Variants in RBM43 observed in about 807,000 individuals in gnomAD.
RBM43 encodes the protein RNA binding motif protein 43, also known as RNA-binding protein 43.
Under a neutral mutation model 12.4 loss-of-function variants are expected in RBM43, and 12 were observed. The observed-to-expected ratio is 0.97, with a 90% CI of 0.62 to 1.57. RBM43 has a LOEUF of 1.57. Among genes scored for constraint, RBM43 ranks in the 40% most tolerant of loss-of-function variants. RBM43 has a pLI of 0.00. For synonymous variants in RBM43, 138 were observed against 145.7 expected, an observed-to-expected ratio of 0.95 and a Z score of 0.38; for missense variants, 348 against 400.1, an observed-to-expected ratio of 0.87 and a Z score of 1.11.
At chr2:151,261,238 CTT>C in intron 1 of RBM43, 1 of 1,541,228 alleles carries the variant, frequency 6.5e-7, no homozygotes, top group Non-Finnish European at 8.8e-7. Context: ...GTCTTCCTGA[CTT>C]GCGTCCTTGG....
At position 151,249,666 on chromosome 2, in the gene RBM43, A is replaced by T. The variant is rs1470229460; in HGVS notation, c.*1240T>A. 1.3e-5 allele frequency: 2 copies of T among 152,306 alleles called. No individual in the cohort carries two copies. The highest frequency in any genetic ancestry group is 2.9e-5 in the Non-Finnish European group (2 of 68,166). The allele number at this position is 152,306 out of a possible 1,614,324, so 9.4% of individuals were successfully genotyped here. ...CCAAAGTGCTGGGATTACAGGTATG[A>T]GTCACCACGCCCGGCCAACTTGTGA... is the stretch of plus-strand genomic sequence containing the variant. On this transcript the variant is annotated 3_prime_UTR_variant, in exon 4 of 4. Coordinates refer to ENST00000331426, the MANE Select transcript of RBM43 (RefSeq NM_198557.3).
chr2:151,250,861 T>G lies in RBM43; in HGVS notation c.*45A>C. Reference sequence around the variant, plus strand: ...CCTCATTCATGGCAATGGTCACTGCTCAGCAAGAGAAAGCAGCCCTTATGA... The same window carrying G: ...CCTCATTCATGGCAATGGTCACTGCGCAGCAAGAGAAAGCAGCCCTTATGA... On this transcript the variant is annotated 3_prime_UTR_variant, in exon 4 of 4. Transcript: ENST00000331426. 7.0e-7 allele frequency: 1 copy of G among 1,431,838 alleles called. No individual in the cohort carries two copies. Among genetic ancestry groups the G allele is most frequent in the South Asian group, 1.4e-5 (1 of 73,064 alleles). The allele number at this position is 1,431,838 out of a possible 1,614,324, so 88.7% of individuals were successfully genotyped here.
At chr2:151,260,235 C>T (rs901882834) in intron 1 of RBM43, among the ~76,000 whole-genome samples, 11 of 151,844 alleles carry the variant, frequency 7.2e-5, no homozygotes, top group African/African-American at 2.4e-4. Context: ...AAGTGATCCT[C>T]CCACCTCAGC....
chr2:151,261,835 C>A lies in RBM43; in HGVS notation c.-108G>T. On this transcript the variant is annotated 5_prime_UTR_variant, in exon 1 of 4. Coordinates refer to ENST00000331426, the MANE Select transcript of RBM43 (RefSeq NM_198557.3). ...CAGGTTTTGGTTTCGTTTTTTGTTCCAGCTCCCTTGGAGGCTACGAAGAAA... is the reference window on the plus strand; with the variant it reads ...CAGGTTTTGGTTTCGTTTTTTGTTCAAGCTCCCTTGGAGGCTACGAAGAAA... 1 of 1,311,582 alleles carries A rather than the reference C, an allele frequency of 7.6e-7. No homozygotes were observed. The highest frequency in any genetic ancestry group is 1.3e-5 in the South Asian group (1 of 74,392). 81.2% of individuals were successfully genotyped at this position (1,311,582 alleles called of 1,614,324 possible). A position where few individuals can be genotyped will look rare whatever the true frequency, so the allele number is the denominator to read the frequency against.
chr2:151,256,656 T>C (rs550562508), intron 1 of RBM43, among the ~76,000 whole-genome samples: 1 of 152,128 alleles, frequency 6.6e-6, no homozygotes, highest in Admixed American at 6.5e-5. Flanking sequence ...CCATCTCTAC[T>C]AAAAATACAA....
chr2:151,261,230 C>T (rs1683041280), intron 1 of RBM43: 2 of 1,538,396 alleles, frequency 1.3e-6, no homozygotes, highest in Non-Finnish European at 8.8e-7. Context: ...ATGAGGATGT[C>T]TTCCTGACTT....
Position 151,250,743 on chromosome 2 carries a change from A to G in RBM43, c.*163T>C. On this transcript the variant is annotated 3_prime_UTR_variant, in exon 4 of 4. Transcript: ENST00000331426. ...TCAGAAAAGTGTTTTAACTTCTCCA[A>G]ATCCTAGTTTCTTCCGCTGTAACAT... 1 of 543,802 alleles carries G rather than the reference A, an allele frequency of 1.8e-6. No individual in the cohort carries two copies. Among genetic ancestry groups the G allele is most frequent in the Non-Finnish European group, 3.2e-6 (1 of 317,350 alleles). The allele number at this position is 543,802 out of a possible 1,614,324, so 33.7% of individuals were successfully genotyped here.
Position 151,252,742 on chromosome 2 carries a change from CA to C in RBM43, c.315+12del, listed in dbSNP as rs752358174. Reference sequence around the variant, plus strand: ...TACAGGACTATCAGTACACCTACAGCATCACACCTTACCTTGTCACCAAAAT... The same window carrying C: ...TACAGGACTATCAGTACACCTACAGCTCACACCTTACCTTGTCACCAAAAT... On this transcript the variant is annotated intron_variant, in intron 3 of 3. Coordinates refer to ENST00000331426, the MANE Select transcript of RBM43 (RefSeq NM_198557.3). The C allele has an allele frequency of 1.2e-5, 17 of 1,429,674 alleles. No homozygotes were observed. The South Asian group carries it at 2.0e-4, about 16-fold the overall frequency. The allele number at this position is 1,429,674 out of a possible 1,614,324, so 88.6% of individuals were successfully genotyped here.
Position 151,252,757 on chromosome 2 carries a change from T to C in RBM43, c.313A>G (p.Lys105Glu). The change falls in exon 3 of 4, where the codon AAG becomes GAG. Residue 105 changes from lysine to glutamate, a missense_variant and splice_region_variant. Coordinates refer to ENST00000331426, the MANE Select transcript of RBM43 (RefSeq NM_198557.3). Reference protein sequence around the residue: ...VSLRVSHFGDKIFSSVNAILD... With the variant: ...VSLRVSHFGDEIFSSVNAILD... ...ACACCTACAGCATCACACCTTACCT[T>C]GTCACCAAAATGAGAGACTCTGAGA... 1 of 1,566,002 alleles carries C rather than the reference T, an allele frequency of 6.4e-7. No homozygotes were observed. Among genetic ancestry groups the C allele is most frequent in the Non-Finnish European group, 8.8e-7 (1 of 1,136,520 alleles).
rs757791894 is a variant in RBM43 at position 151,251,326 on chromosome 2, T to G, written c.654A>C (p.Glu218Asp). Residue 218 changes from glutamate to aspartate, a missense_variant, in exon 4 of 4, where the codon GAA becomes GAC. By Grantham distance (45) the Glu-to-Asp change is conservative (BLOSUM62 2). Coordinates refer to ENST00000331426, the MANE Select transcript of RBM43 (RefSeq NM_198557.3). ...TLVPETARSG[E>D]MLVLDTDVFL... ...AAACATCTGTGTCAAGCACAAGCAT[T>G]TCTCCACTTCTAGCAGTCTCAGGTA... is the stretch of plus-strand genomic sequence containing the variant. 1 of 1,614,124 alleles carries G rather than the reference T, an allele frequency of 6.2e-7. No individual in the cohort carries two copies. Among genetic ancestry groups the G allele is most frequent in the Non-Finnish European group, 8.5e-7 (1 of 1,179,970 alleles).
At position 151,250,725 on chromosome 2, in the gene RBM43, A is replaced by G; in HGVS notation, c.*181T>C. 2.0e-6 allele frequency: 1 copy of G among 500,454 alleles called. No homozygotes were observed. Among genetic ancestry groups the G allele is most frequent in the East Asian group, 3.0e-5 (1 of 32,860 alleles). 31.0% of individuals were successfully genotyped at this position (500,454 alleles called of 1,614,324 possible). On this transcript the variant is annotated 3_prime_UTR_variant, in exon 4 of 4. Coordinates refer to ENST00000331426, the MANE Select transcript of RBM43 (RefSeq NM_198557.3). ...TTTGTCAACTGGATAACTTCAGAAA[A>G]GTGTTTTAACTTCTCCAAATCCTAG...
chr2:151,255,747 TA>T lies in RBM43; in HGVS notation c.4-5del. ...CCTTGACATTCAAAACTGATGCCTG[TA>T]AGAGAAACAGCAGGTTATTCTTTAA... On this transcript the variant is annotated splice_region_variant and splice_polypyrimidine_tract_variant and intron_variant, in intron 1 of 3. Coordinates refer to ENST00000331426, the MANE Select transcript of RBM43 (RefSeq NM_198557.3). The T allele has an allele frequency of 1.9e-6, 3 of 1,599,920 alleles. No individual in the cohort carries two copies. Among genetic ancestry groups the T allele is most frequent in the Non-Finnish European group, 2.6e-6 (3 of 1,167,370 alleles).
chr2:151,255,150 C>T (rs1682955044), intron 2 of RBM43, among the ~76,000 whole-genome samples: 1 of 152,156 alleles, frequency 6.6e-6, no homozygotes, highest in Non-Finnish European at 1.5e-5. Context: ...CGTGGTGGCT[C>T]ATGCCTGTAA....
chr2:151,255,479 TAAATTTTATTGAAGAAGTATTTCTA>T, intron 2 of RBM43, 29 bp downstream of exon 2: 1 of 1,202,398 alleles, frequency 8.3e-7, no homozygotes, highest in Non-Finnish European at 1.2e-6. Flanking sequence ...ATGTAATTTT[TAAATTTTATTGAAGAAGTATTTCTA>T]AAATTACAAA....
At chr2:151,253,198 C>T (rs937201251) in intron 2 of RBM43, among the ~76,000 whole-genome samples, 1 of 152,160 alleles carries the variant, frequency 6.6e-6, no homozygotes, top group African/African-American at 2.4e-5. Context: ...CCTCCCAATT[C>T]ACTGGCTGAC....
rs368529343 is a variant in RBM43, at chr2:151,255,699, C to T, written c.48G>A (p.Thr16=). ...CAACTGGAAGACCAGCAACTACAAC[C>T]GTTCTTTCAGGAGCTTTGGATTCCT... is the stretch of plus-strand genomic sequence containing the variant. ...NVKESKAPER[T]VVVAGLPVDL... The change falls in exon 2 of 4, where the codon ACG becomes ACA. Residue 16 remains threonine (T), a synonymous_variant. Transcript: ENST00000331426. The T allele has an allele frequency of 6.8e-6, 11 of 1,613,956 alleles. No homozygotes were observed. The highest frequency in any genetic ancestry group is 4.5e-5 in the East Asian group (2 of 44,864).
Position 151,255,580 on chromosome 2 carries a change from G to A in RBM43, c.167C>T (p.Pro56Leu), listed in dbSNP as rs777372699. ...EGGDVEDVIY[P>L]TRTKGVAYVI... ...ATATGCAACTCCCTTGGTTCTTGTC[G>A]GATATATCACATCTTCAACATCTCC... The change falls in exon 2 of 4, where the codon CCG becomes CTG. Residue 56 changes from proline to leucine, a missense_variant. Transcript: ENST00000331426. 81 of 1,613,214 alleles carry A rather than the reference G, an allele frequency of 5.0e-5. No individual in the cohort carries two copies. Among genetic ancestry groups the A allele is most frequent in the Non-Finnish European group, 6.3e-5 (74 of 1,179,818 alleles).
rs555277030 is a variant in RBM43 at position 151,249,274 on chromosome 2, A to G, written c.*1632T>C. On this transcript the variant is annotated 3_prime_UTR_variant, in exon 4 of 4. Coordinates refer to ENST00000331426, the MANE Select transcript of RBM43 (RefSeq NM_198557.3). ...ACAAAACTAAATTTAATGTTTTGAG[A>G]AGAAAGAATTTCAATTCTAGGTGAT... is the stretch of plus-strand genomic sequence containing the variant. 10 of 152,302 alleles carry G rather than the reference A, an allele frequency of 6.6e-5. No homozygotes were observed. The highest frequency in any genetic ancestry group is 2.4e-4 in the African/African-American group (10 of 41,562). The allele number at this position is 152,302 out of a possible 1,614,324, so 9.4% of individuals were successfully genotyped here.
rs796208600 is a variant in RBM43 at position 151,257,333 on chromosome 2, A to AAC, written c.4-1592_4-1591dup. ...ACAAACACACACACACACACACACA[A>AAC]ACACACACACACACACACAGTGTCC... On this transcript the variant is annotated intron_variant, in intron 1 of 3. Transcript: ENST00000331426. 5.3e-3 allele frequency among the ~76,000 whole-genome samples: 738 copies of AAC among 140,518 alleles called. 4 individuals carry two copies. Among genetic ancestry groups the AAC allele is most frequent in the African/African-American group, 0.017 (624 of 36,974 alleles). The allele number at this position is 140,518 out of a possible 152,430, so 92.2% of individuals were successfully genotyped here. A position where few individuals can be genotyped will look rare whatever the true frequency, so the allele number is the denominator to read the frequency against.
Sources: gnomAD v4.1 joint callset for allele counts (sites outside exome capture counted in the v4.1 genomes callset) on GRCh38, gnomAD v4.1.1 for gene constraint, MANE v1.5 for transcripts, NCBI Gene and HGNC (gene_info 2026-07-23, HGNC 2026-07-21) for gene names.